The following ALK variants were observed in gnomAD, a reference collection of about 807,000 sequenced individuals.
ALK encodes ALK tyrosine kinase receptor.
ALK carries 74 observed loss-of-function variants against 163.1 expected under a neutral mutation model. That is an observed-to-expected ratio of 0.45 (90% CI 0.38 to 0.55). The LOEUF (loss-of-function observed/expected upper bound fraction) is 0.55. Among genes scored for constraint, ALK ranks in the 20% least tolerant of loss-of-function variants. The pLI, the probability that ALK is intolerant of heterozygous loss-of-function variation, is 0.00. For synonymous variants in ALK, 960 were observed against 843.2 expected (o/e 1.14, Z -2.40); for missense variants, 2,063 against 2,105.3 (o/e 0.98, Z 0.39).
At chr2:29,711,281 CT>C (rs1248383342) in intron 2 of ALK, among the ~76,000 whole-genome samples, 1 of 152,172 alleles carries the variant, frequency 6.6e-6, no homozygotes, top group African/African-American at 2.4e-5. Flanking sequence ...ACATGCATCC[CT>C]TTTGTCCAGA....
intron 4 of ALK, among the ~76,000 whole-genome samples, chr2:29,479,380 T>C (rs558122754): frequency 6.6e-6 from 1 of 152,334 alleles, no homozygotes; most frequent in Admixed American, 6.5e-5. Flanking sequence ...AGAGGACGCT[T>C]GAACACACAG....
At chr2:29,391,623 C>T (rs1669175674) in intron 4 of ALK, among the ~76,000 whole-genome samples, 1 of 152,112 alleles carries the variant, frequency 6.6e-6, no homozygotes, top group Admixed American at 6.5e-5. Flanking sequence ...TTCTTTTGAG[C>T]TTCTTCTAAC....
Position 29,275,390 on chromosome 2 carries a change from G to C in ALK, c.1912+12C>G. 1 of 1,613,872 alleles carries C rather than the reference G, an allele frequency of 6.2e-7. No individual in the cohort carries two copies. Among genetic ancestry groups the C allele is most frequent in the South Asian group, 1.1e-5 (1 of 91,070 alleles). On this transcript the variant is annotated intron_variant, in intron 10 of 28. Coordinates refer to ENST00000389048, the MANE Select transcript of ALK (RefSeq NM_004304.5). ...GTTGGGGGACAGAGTGCTGGGGTCA[G>C]AGTGAACTCACTGGTGAGGTAGCAG...
At chr2:29,817,957 C>T (rs1030747751) in intron 1 of ALK, among the ~76,000 whole-genome samples, 3 of 152,140 alleles carry the variant, frequency 2.0e-5, no homozygotes, top group Non-Finnish European at 4.4e-5. Flanking sequence ...AAAAACCAAG[C>T]GCTTATGGCC....
chr2:29,665,942 A>G (rs1331042150), intron 3 of ALK, among the ~76,000 whole-genome samples: 1 of 152,076 alleles, frequency 6.6e-6, no homozygotes, highest in Non-Finnish European at 1.5e-5. Flanking sequence ...CTAACCCTTG[A>G]CCTGAAATTC....
At chr2:29,305,066 T>C (rs1213485073) in intron 8 of ALK, among the ~76,000 whole-genome samples, 1 of 152,190 alleles carries the variant, frequency 6.6e-6, no homozygotes, top group African/African-American at 2.4e-5. Context: ...TAGAGACCTC[T>C]GGGGAGCTGG....
intron 1 of ALK, among the ~76,000 whole-genome samples, chr2:29,768,737 G>GTATA (rs1158200233): frequency 1.5e-5 from 2 of 131,102 alleles, no homozygotes; most frequent in Non-Finnish European, 1.6e-5. Context: ...GTGTGTGTGT[G>GTATA]TGTGTGTATA....
chr2:29,256,534 G>A (rs1430476910), intron 11 of ALK, among the ~76,000 whole-genome samples: 1 of 151,988 alleles, frequency 6.6e-6, no homozygotes, highest in Non-Finnish European at 1.5e-5. Context: ...ACTAAATGTA[G>A]ATCTTCTGAG....
intron 3 of ALK, among the ~76,000 whole-genome samples, chr2:29,586,031 C>G (rs11883695): frequency 5.7e-4 from 86 of 152,202 alleles, no homozygotes; most frequent in African/African-American, 1.9e-3. Flanking sequence ...AAAAAGCATG[C>G]CTATTTCATC....
intron 23 of ALK, among the ~76,000 whole-genome samples, chr2:29,216,477 T>A (rs1228605249): frequency 6.6e-6 from 1 of 152,112 alleles, no homozygotes; most frequent in Non-Finnish European, 1.5e-5. Context: ...TAAATCTCTC[T>A]GGGCATTAAC....
intron 3 of ALK, among the ~76,000 whole-genome samples, chr2:29,598,285 C>T (rs140573349): frequency 2.8e-4 from 43 of 152,330 alleles, no homozygotes; most frequent in African/African-American, 8.7e-4. Context: ...CTCGGCCTCC[C>T]AAAGTGCTGG....
chr2:29,249,021 G>A lies in ALK; in HGVS notation c.2204+2084C>T, dbSNP rs903921463. ...CCATGGGCCAGGGAGCACCCACCACGTGTAAGCATTGTGCCAGGCACTATA... is the reference window on the plus strand; with the variant it reads ...CCATGGGCCAGGGAGCACCCACCACATGTAAGCATTGTGCCAGGCACTATA... On this transcript the variant is annotated intron_variant, in intron 12 of 28. Transcript: ENST00000389048. 3.3e-5 allele frequency among the ~76,000 whole-genome samples: 5 copies of A among 152,240 alleles called. No individual in the cohort carries two copies. In the East Asian group the frequency reaches 7.7e-4, roughly 23 times the overall value.
At chr2:29,468,063 C>G (rs928482899) in intron 4 of ALK, among the ~76,000 whole-genome samples, 2 of 149,488 alleles carry the variant, frequency 1.3e-5, no homozygotes, top group Middle Eastern at 3.2e-3. Context: ...TAGAGTCTTG[C>G]TCTGTTGCCC....
At chr2:29,881,431 G>T (rs967909592) in intron 1 of ALK, among the ~76,000 whole-genome samples, 1 of 152,164 alleles carries the variant, frequency 6.6e-6, no homozygotes, top group Non-Finnish European at 1.5e-5. Flanking sequence ...GAGCATTTCT[G>T]TGTCTTCCAG....
intron 3 of ALK, among the ~76,000 whole-genome samples, chr2:29,671,041 C>T (rs1427021873): frequency 2.6e-5 from 4 of 151,778 alleles, no homozygotes; most frequent in Non-Finnish European, 5.9e-5. Context: ...GTCATGGTTC[C>T]CTGTTAGCTG....
chr2:29,405,252 G>A (rs1264844067), intron 4 of ALK, among the ~76,000 whole-genome samples: 1 of 152,164 alleles, frequency 6.6e-6, no homozygotes, highest in Non-Finnish European at 1.5e-5. Flanking sequence ...AAACACTGAA[G>A]GGGTCATTTG....
intron 6 of ALK, among the ~76,000 whole-genome samples, chr2:29,323,186 A>G (rs1251442251): frequency 6.6e-6 from 1 of 152,216 alleles, no homozygotes; most frequent in Non-Finnish European, 1.5e-5. Context: ...AGGATAAAGT[A>G]GGGGAGAGAG....
chr2:29,385,058 T>TATGATTTG (rs1044885336), intron 4 of ALK, among the ~76,000 whole-genome samples: 1 of 151,706 alleles, frequency 6.6e-6, no homozygotes, highest in African/African-American at 2.4e-5. Flanking sequence ...AAAAAAAGTG[T>TATGATTTG]ATGATTTGAT....
intron 4 of ALK, among the ~76,000 whole-genome samples, chr2:29,394,070 C>G (rs1182354314): frequency 2.0e-5 from 3 of 152,146 alleles, no homozygotes; most frequent in Admixed American, 1.3e-4. Context: ...ATGAGGAACT[C>G]TAATCAACAG....
Sources: gnomAD v4.1 joint callset for allele counts (sites outside exome capture counted in the v4.1 genomes callset) on GRCh38, gnomAD v4.1.1 for gene constraint, MANE v1.5 for transcripts, NCBI Gene and HGNC (gene_info 2026-07-23, HGNC 2026-07-21) for gene names.